Variants in HERC1 observed in about 807,000 individuals in gnomAD.
HERC1 encodes the protein HECT and RLD domain containing E3 ubiquitin protein ligase family member 1, also known as probable E3 ubiquitin-protein ligase HERC1.
In HERC1, 160 loss-of-function variants were observed where a neutral mutation model predicts 554.3. The ratio of observed to expected loss-of-function variants is 0.29; its 90% CI spans 0.25 to 0.33. The LOEUF is 0.33. Among genes scored for constraint, HERC1 ranks in the 10% least tolerant of loss-of-function variants. The pLI is 1.00. For synonymous variants in HERC1, 2,175 were observed against 2,131.7 expected, an observed-to-expected ratio of 1.02 and a Z score of -0.56; for missense variants, 4,919 against 5,918.5, an observed-to-expected ratio of 0.83 and a Z score of 5.54.
rs768512969 is a variant in HERC1, at chr15:63,756,418, C to A, written c.1533+19G>T. On this transcript the variant is annotated intron_variant, in intron 5 of 77. Coordinates refer to ENST00000443617, the MANE Select transcript of HERC1 (RefSeq NM_003922.4). The surrounding 1 kb of genome is among the most constrained non-coding windows in gnomAD (Gnocchi z 5.0). ...CCAATGCATCTAATTATTTTTATAA[C>A]CAAAAAGAATGCACATACCTTTCCT... 2 of 1,570,526 alleles carry A rather than the reference C, an allele frequency of 1.3e-6. No homozygotes were observed. Among genetic ancestry groups the A allele is most frequent in the Non-Finnish European group, 1.7e-6 (2 of 1,155,394 alleles).
intron 16 of HERC1, among the ~76,000 whole-genome samples, chr15:63,728,774 A>C (rs2074142918): frequency 6.6e-6 from 1 of 152,088 alleles, no homozygotes; most frequent in African/African-American, 2.4e-5. Flanking sequence ...ATTAGAGGGC[A>C]TGTCCAAGGA....
intron 1 of HERC1, among the ~76,000 whole-genome samples, chr15:63,828,816 G>A (rs922715731): frequency 2.0e-5 from 3 of 152,088 alleles, no homozygotes; most frequent in Non-Finnish European, 4.4e-5. Context: ...TAAACTAAAG[G>A]GAGTGGTAAA....
chr15:63,736,827 G>A (rs947121599), intron 12 of HERC1, among the ~76,000 whole-genome samples: 5 of 151,886 alleles, frequency 3.3e-5, no homozygotes, highest in South Asian at 2.1e-4. Context: ...GGCTGGTCTC[G>A]AACTCCTGAC....
chr15:63,818,450 C>T (rs1041655839), intron 1 of HERC1, among the ~76,000 whole-genome samples: 22 of 152,100 alleles, frequency 1.4e-4, no homozygotes, highest in Admixed American at 6.5e-4. Flanking sequence ...GGAGGCAGTA[C>T]AAGACAGCAC....
chr15:63,652,486 T>C lies in HERC1; in HGVS notation c.10346A>G (p.Asp3449Gly). The C allele has an allele frequency of 1.2e-6, 2 of 1,610,146 alleles. No homozygotes were observed. Among genetic ancestry groups the C allele is most frequent in the Non-Finnish European group, 1.7e-6 (2 of 1,177,736 alleles). ...AACATTCCATACGCGGATGGTGCCA[T>C]CATTGCCACTTGTAGCCAAAAGACC... ...KKGLLATSGN[D>G]GTIRVWNVTK... The change falls in exon 52 of 78, where the codon GAT becomes GGT. Residue 3449 changes from aspartate to glycine, a missense_variant. By Grantham distance (94) the Asp-to-Gly change is moderately conservative (BLOSUM62 -1). Around this residue, in one of 11 missense-constraint regions of HERC1, gnomAD observed 1,963 missense variants for 2,228.6 expected, o/e 0.88. Coordinates refer to ENST00000443617, the MANE Select transcript of HERC1 (RefSeq NM_003922.4).
Position 63,723,357 on chromosome 15 carries a change from TAA to T in HERC1, c.3569-4_3569-3del. On this transcript the variant is annotated splice_region_variant and splice_polypyrimidine_tract_variant and intron_variant, in intron 18 of 77. Transcript: ENST00000443617. The stretch of plus-strand genomic sequence containing the variant: ...CTAACAGGCAACTCATACATTTATC[TAA>T]AAAAAATACTCACGTTACCAATTTT... 1 of 1,531,584 alleles carries T rather than the reference TAA, an allele frequency of 6.5e-7. No homozygotes were observed. Among genetic ancestry groups the T allele is most frequent in the South Asian group, 1.3e-5 (1 of 79,860 alleles). The allele number at this position is 1,531,584 out of a possible 1,614,324, so 94.9% of individuals were successfully genotyped here.
chr15:63,832,578 G>C (rs146005427), intron 1 of HERC1, among the ~76,000 whole-genome samples: 2 of 152,164 alleles, frequency 1.3e-5, no homozygotes, highest in South Asian at 4.1e-4. Flanking sequence ...ACCACTAACA[G>C]AATTGTAAAA....
At chr15:63,622,673 C>T in intron 74 of HERC1, 142 bp downstream of exon 74, 1 of 546,508 alleles carries the variant, frequency 1.8e-6, no homozygotes. Context: ...ACAATATTTA[C>T]TCCTTAGGGT....
At chr15:63,704,734 A>ATTTT (rs567922548) in intron 25 of HERC1, among the ~76,000 whole-genome samples, 1 of 88,432 alleles carries the variant, frequency 1.1e-5, no homozygotes, top group African/African-American at 4.2e-5. Flanking sequence ...ATACTCTGTA[A>ATTTT]TTTTTTTTTT....
chr15:63,718,853 C>G lies in HERC1; in HGVS notation c.3787G>C (p.Val1263Leu), dbSNP rs747726303. The G allele has an allele frequency of 6.2e-7, 1 of 1,613,506 alleles. No individual in the cohort carries two copies. Among genetic ancestry groups the G allele is most frequent in the Non-Finnish European group, 8.5e-7 (1 of 1,179,666 alleles). Residue 1263 changes from valine to leucine, a missense_variant, in exon 20 of 78, where the codon GTG becomes CTG. Val to Leu is a conservative substitution (Grantham distance 32, BLOSUM62 1). This residue lies in a region of HERC1 where 1,121 missense variants were observed against 1,244.0 expected (regional missense o/e 0.90). Transcript: ENST00000443617. The surrounding 1 kb of genome is among the most constrained non-coding windows in gnomAD (Gnocchi z 4.2). ...TLSNESLLDT[V>L]SRFVLAALLK... ...AGAGCTGCAAGAACAAATCTAGACA[C>G]AGTGTCCAAGAGTGACTCATTACTT... is the stretch of plus-strand genomic sequence containing the variant.
In HERC1 at chr15:63,732,948, G is replaced by C. The variant is rs1174773276; in HGVS notation, c.2844C>G (p.Leu948=). The change falls in exon 14 of 78, where the codon CTC becomes CTG. Residue 948 remains leucine (L), a synonymous_variant. Transcript: ENST00000443617. ...THLAEILMKT[L]LRNLGFYTDQ... is the part of the protein sequence containing the mutation. ...CTGTATAAAATCCTAAATTTCTTAA[G>C]AGGGTCTTCATCAAAATTTCAGCCA... The C allele has an allele frequency of 2.3e-5, 37 of 1,612,478 alleles. No homozygotes were observed. The highest frequency in any genetic ancestry group is 3.1e-5 in the Non-Finnish European group (37 of 1,178,702).
chr15:63,803,591 T>C (rs2077053896), intron 1 of HERC1, among the ~76,000 whole-genome samples: 1 of 152,202 alleles, frequency 6.6e-6, no homozygotes, highest in Non-Finnish European at 1.5e-5. Context: ...CCCAGCCCCA[T>C]ACTAACTTTT....
At chr15:63,684,021 CT>C (rs1268240594) in intron 34 of HERC1, among the ~76,000 whole-genome samples, 5 of 152,336 alleles carry the variant, frequency 3.3e-5, no homozygotes, top group African/African-American at 1.2e-4. Context: ...ATTTGGAACA[CT>C]CCCCCTCTGT....
chr15:63,716,267 A>C, intron 22 of HERC1, 35 bp downstream of exon 22: 3 of 1,564,744 alleles, frequency 1.9e-6, no homozygotes, highest in Non-Finnish European at 2.6e-6. Flanking sequence ...AGCATGCCAC[A>C]GTTTGTATCT....
chr15:63,643,944 T>G (rs367796952), intron 57 of HERC1, among the ~76,000 whole-genome samples: 2 of 152,382 alleles, frequency 1.3e-5, no homozygotes, highest in East Asian at 3.8e-4. Context: ...GCTGACTCTA[T>G]ATAAATAGAT....
At chr15:63,703,537 T>C (rs2072843049) in intron 25 of HERC1, among the ~76,000 whole-genome samples, 1 of 152,168 alleles carries the variant, frequency 6.6e-6, no homozygotes, top group Admixed American at 6.5e-5. Flanking sequence ...GCAAATGCTG[T>C]ATGAGGGAAA....
At position 63,630,605 on chromosome 15, in the gene HERC1, G is replaced by A. The variant is rs928939472; in HGVS notation, c.12827C>T (p.Ala4276Val). 1.2e-6 allele frequency: 2 copies of A among 1,612,458 alleles called. No homozygotes were observed. Among genetic ancestry groups the A allele is most frequent in the East Asian group, 2.2e-5 (1 of 44,892 alleles). ...DRLIGLPEGR[A>V]RNHNRPQQIP... Reference sequence around the variant, plus strand: ...TTGTTGCGGTCGATTGTGATTGCGAGCACGCCCCTCTGGCAAGCCTATCAG... The same window carrying A: ...TTGTTGCGGTCGATTGTGATTGCGAACACGCCCCTCTGGCAAGCCTATCAG... Residue 4276 changes from alanine to valine, a missense_variant, in exon 69 of 78, where the codon GCT becomes GTT. Transcript: ENST00000443617.
chr15:63,815,302 T>C (rs1278150871), intron 1 of HERC1, among the ~76,000 whole-genome samples: 1 of 152,234 alleles, frequency 6.6e-6, no homozygotes, highest in African/African-American at 2.4e-5. Context: ...GTGACTATAC[T>C]ATGCACATGA....
chr15:63,812,535 T>C (rs951364920), intron 1 of HERC1, among the ~76,000 whole-genome samples: 4 of 152,208 alleles, frequency 2.6e-5, no homozygotes, highest in Non-Finnish European at 5.9e-5. Flanking sequence ...GTTTCTCCTG[T>C]TTCCTCATCT....
Sources: allele counts gnomAD v4.1 joint callset (sites outside exome capture counted in the v4.1 genomes callset), GRCh38; gene constraint gnomAD v4.1.1; regional missense constraint gnomAD v4.1.1; non-coding constraint Gnocchi (gnomAD v3.1); transcripts MANE v1.5; gene names NCBI Gene and HGNC (gene_info 2026-07-23, HGNC 2026-07-21).